TTC28: variants seen among roughly 807,000 people sequenced by gnomAD.
TTC28 encodes tetratricopeptide repeat domain 28.
Under a neutral mutation model 198.0 loss-of-function variants are expected in TTC28, and 61 were observed. The ratio of observed to expected loss-of-function variants is 0.31; its 90% CI spans 0.25 to 0.38. The LOEUF (loss-of-function observed/expected upper bound fraction) is 0.38, where lower values mean the gene tolerates loss of function less well. Among genes scored for constraint, TTC28 ranks in the 10% least tolerant of loss-of-function variants. The pLI is 1.00. For missense variants in TTC28, 2,678 were observed against 3,164.0 expected, an observed-to-expected ratio of 0.85 and a Z score of 3.69; for synonymous variants, 1,171 against 1,297.8, an observed-to-expected ratio of 0.90 and a Z score of 2.10.
intron 5 of TTC28, among the ~76,000 whole-genome samples, chr22:28,177,730 C>T (rs562439269): frequency 6.6e-6 from 1 of 152,306 alleles, no homozygotes; most frequent in African/African-American, 2.4e-5. Context: ...TAAATGTATA[C>T]TGCTTAGTCA....
intron 2 of TTC28, among the ~76,000 whole-genome samples, chr22:28,402,030 G>C (rs560402967): frequency 6.6e-6 from 1 of 152,144 alleles, no homozygotes; most frequent in African/African-American, 2.4e-5. Flanking sequence ...CAAATTTAAA[G>C]TCTGACTTCA....
intron 2 of TTC28, among the ~76,000 whole-genome samples, chr22:28,544,167 G>A (rs937644996): frequency 6.6e-6 from 1 of 152,120 alleles, no homozygotes; most frequent in African/African-American, 2.4e-5. Context: ...GCAGTGAGTT[G>A]AGATCACACC....
At chr22:28,595,137 G>GA (rs2050517396) in intron 2 of TTC28, among the ~76,000 whole-genome samples, 1 of 152,080 alleles carries the variant, frequency 6.6e-6, no homozygotes, top group Non-Finnish European at 1.5e-5. Flanking sequence ...CTTAATTATA[G>GA]AAAGTGGTTG....
intron 5 of TTC28, among the ~76,000 whole-genome samples, chr22:28,267,825 T>G (rs1385154586): frequency 6.6e-6 from 1 of 152,202 alleles, no homozygotes; most frequent in African/African-American, 2.4e-5. Flanking sequence ...AAGTGTTCAG[T>G]AATTATTTTT....
At chr22:28,529,605 C>A (rs2049087310) in intron 2 of TTC28, among the ~76,000 whole-genome samples, 1 of 152,220 alleles carries the variant, frequency 6.6e-6, no homozygotes, top group African/African-American at 2.4e-5. Context: ...GACAGACTGC[C>A]TCAAGTGGGT....
At chr22:28,193,821 C>T (rs1298800166) in intron 5 of TTC28, among the ~76,000 whole-genome samples, 1 of 152,134 alleles carries the variant, frequency 6.6e-6, no homozygotes, top group Non-Finnish European at 1.5e-5. Context: ...GACTTAGACT[C>T]CCACGCAAGA....
chr22:28,165,615 G>A (rs1396534730), intron 5 of TTC28, among the ~76,000 whole-genome samples: 1 of 152,158 alleles, frequency 6.6e-6, no homozygotes, highest in African/African-American at 2.4e-5. Context: ...ATCCTTTACA[G>A]ACAAGTAAAT....
At chr22:28,117,549 A>G (rs983276627) in intron 6 of TTC28, among the ~76,000 whole-genome samples, 6 of 152,206 alleles carry the variant, frequency 3.9e-5, no homozygotes, top group Admixed American at 6.5e-5. Context: ...GGAGACCACA[A>G]AAACCTGTAA....
At chr22:28,604,699 G>A (rs1333563312) in intron 2 of TTC28, among the ~76,000 whole-genome samples, 5 of 152,036 alleles carry the variant, frequency 3.3e-5, no homozygotes, top group African/African-American at 7.2e-5. Context: ...AGCTGAGATC[G>A]TGCCACTTGC....
At chr22:28,475,092 G>A (rs2048143766) in intron 2 of TTC28, among the ~76,000 whole-genome samples, 1 of 130,876 alleles carries the variant, frequency 7.6e-6, no homozygotes, top group African/African-American at 2.9e-5. Context: ...AGAGCTTGCA[G>A]TGAGCCAAGA....
chr22:28,156,885 A>G (rs1943760265), intron 6 of TTC28, among the ~76,000 whole-genome samples: 1 of 152,214 alleles, frequency 6.6e-6, no homozygotes. Context: ...CTAATGATGC[A>G]TCTTAAAGGA....
At chr22:27,999,429 G>T in intron 15 of TTC28, 169 bp from the exon 16 acceptor site, 1 of 1,016,362 alleles carries the variant, frequency 9.8e-7, no homozygotes, top group Non-Finnish European at 1.4e-6. Context: ...TTTTGACACA[G>T]GTGCCTAACT....
chr22:28,094,205 T>C lies in TTC28; in HGVS notation c.3807A>G (p.Thr1269=). 1 of 1,551,378 alleles carries C rather than the reference T, an allele frequency of 6.4e-7. No homozygotes were observed. The highest frequency in any genetic ancestry group is 8.7e-7 in the Non-Finnish European group (1 of 1,146,876). The change falls in exon 12 of 23, where the codon ACA becomes ACG. Residue 1269 remains threonine, a synonymous_variant. Transcript: ENST00000397906. ...CCTGGAAGTCACTTGAGTTTTCCAC[T>C]GTGTTCTCACCCAGGTAGTGTTCAT... ...KFHEHYLGEN[T]VENSSDFQAS... is the part of the protein sequence containing the mutation.
chr22:28,056,440 CCATTAT>C (rs1569110965), intron 12 of TTC28: 1 of 152,066 alleles, frequency 6.6e-6, no homozygotes, highest in African/African-American at 2.4e-5. Context: ...GAATACAGGC[CCATTAT>C]CATTAACATT....
chr22:28,522,732 C>T lies in TTC28; in HGVS notation c.381+106820G>A, dbSNP rs571754251. Among the ~76,000 whole-genome samples the T allele has an allele frequency of 1.6e-4, 25 of 151,874 alleles. No homozygotes were observed. The South Asian group carries it at 4.8e-3, about 29-fold the overall frequency. ...GTACCAATACACACTACCATATGGA[C>T]AAACCTGAAAAACAATCTAAGTAAA... is the stretch of plus-strand genomic sequence containing the variant. On this transcript the variant is annotated intron_variant, in intron 2 of 22. Transcript: ENST00000397906.
chr22:28,434,860 T>C (rs1338477318), intron 2 of TTC28, among the ~76,000 whole-genome samples: 4 of 152,178 alleles, frequency 2.6e-5, no homozygotes, highest in African/African-American at 7.2e-5. Context: ...ATTCCAAATG[T>C]CAGCTGCTCC....
chr22:28,047,543 C>A (rs577924287), intron 12 of TTC28, among the ~76,000 whole-genome samples: 116 of 152,294 alleles, frequency 7.6e-4, no homozygotes, highest in Middle Eastern at 3.4e-3. Flanking sequence ...CTCTAAAGCG[C>A]CCACAAAAAG....
In TTC28 at chr22:28,603,947, G is replaced by C. The variant is rs571880439; in HGVS notation, c.381+25605C>G. On this transcript the variant is annotated intron_variant, in intron 2 of 22. Transcript: ENST00000397906. The stretch of plus-strand genomic sequence containing the variant: ...GAGACTAATTTTATTTAAGTGTATT[G>C]GTCATCTATCTTATCACTTTAAAAA... Among the ~76,000 whole-genome samples, 43 of 152,066 alleles carry C rather than the reference G, an allele frequency of 2.8e-4. No individual in the cohort carries two copies. The East Asian group carries it at 4.4e-3, about 16-fold the overall frequency.
At chr22:28,210,019 C>T (rs1232580759) in intron 5 of TTC28, among the ~76,000 whole-genome samples, 1 of 152,182 alleles carries the variant, frequency 6.6e-6, no homozygotes, top group South Asian at 2.1e-4. Flanking sequence ...GATACCCTGG[C>T]AAACAGGGTC....
Sources: gnomAD v4.1 joint callset for allele counts (sites outside exome capture counted in the v4.1 genomes callset) on GRCh38, gnomAD v4.1.1 for gene constraint, MANE v1.5 for transcripts, NCBI Gene and HGNC (gene_info 2026-07-23, HGNC 2026-07-21) for gene names.